Variants in ZSWIM6 observed in about 807,000 individuals in gnomAD.
The protein encoded by ZSWIM6 is zinc finger SWIM-type containing 6.
In ZSWIM6, 9 loss-of-function variants were observed where a neutral mutation model predicts 113.2. That is an observed-to-expected ratio of 0.08 (90% CI 0.05 to 0.14). The LOEUF (loss-of-function observed/expected upper bound fraction) is 0.14, where lower values mean the gene tolerates loss of function less well. ZSWIM6 is among the 10% of genes least tolerant of loss of function. The pLI, the probability that ZSWIM6 is intolerant of heterozygous loss-of-function variation, is 1.00. For missense variants in ZSWIM6, 1,162 were observed against 1,552.2 expected (o/e 0.75, Z 4.22); for synonymous variants, 611 against 606.5 (o/e 1.01, Z -0.11).
chr5:61,459,935 A>G (rs528785256), intron 1 of ZSWIM6, among the ~76,000 whole-genome samples: 1 of 152,230 alleles, frequency 6.6e-6, no homozygotes, highest in Admixed American at 6.5e-5. Context: ...CATGTGAGTC[A>G]AGAGTGTGTG....
intron 1 of ZSWIM6, among the ~76,000 whole-genome samples, chr5:61,429,468 G>GATGAAGGAA (rs1334619691): frequency 6.6e-6 from 1 of 152,218 alleles, no homozygotes; most frequent in Admixed American, 6.5e-5. Flanking sequence ...CTTTGGCCGA[G>GATGAAGGAA]ATGAAGGAAA....
At chr5:61,494,596 C>G (rs1177436191) in intron 4 of ZSWIM6, among the ~76,000 whole-genome samples, 186 bp downstream of exon 4, 1 of 152,040 alleles carries the variant, frequency 6.6e-6, no homozygotes, top group African/African-American at 2.4e-5. Flanking sequence ...AGAAAACAAC[C>G]TTAGCAGGGT....
intron 4 of ZSWIM6, among the ~76,000 whole-genome samples, chr5:61,512,449 A>G (rs1373011478): frequency 6.6e-6 from 1 of 152,136 alleles, no homozygotes. Context: ...TTTTGTGTGA[A>G]CATAAATTTG....
chr5:61,525,440 A>G (rs961445740), intron 5 of ZSWIM6, among the ~76,000 whole-genome samples: 4 of 152,178 alleles, frequency 2.6e-5, no homozygotes, highest in Non-Finnish European at 4.4e-5. Context: ...AGCCCACCAC[A>G]GCACCTCAGA....
intron 1 of ZSWIM6, among the ~76,000 whole-genome samples, chr5:61,339,238 C>G (rs1195562121): frequency 6.6e-6 from 1 of 152,278 alleles, no homozygotes; most frequent in African/African-American, 2.4e-5. Context: ...GAAACCCTAT[C>G]TCTACTAAAA....
intron 2 of ZSWIM6, among the ~76,000 whole-genome samples, chr5:61,487,845 T>A (rs1268737199): frequency 6.6e-6 from 1 of 152,088 alleles, no homozygotes; most frequent in Non-Finnish European, 1.5e-5. Flanking sequence ...TGACTTCTTC[T>A]TTTCCAATTT....
At chr5:61,437,613 T>C (rs1746737100) in intron 1 of ZSWIM6, among the ~76,000 whole-genome samples, 1 of 151,222 alleles carries the variant, frequency 6.6e-6, no homozygotes, top group Non-Finnish European at 1.5e-5. Context: ...TCCCAGCTGC[T>C]TGAGAGGCTG....
chr5:61,498,836 G>A (rs1396333236), intron 4 of ZSWIM6, among the ~76,000 whole-genome samples: 1 of 152,122 alleles, frequency 6.6e-6, no homozygotes, highest in African/African-American at 2.4e-5. Flanking sequence ...TGTACCAGAA[G>A]TAAGATTCTA....
At chr5:61,443,473 C>G (rs1481124686) in intron 1 of ZSWIM6, among the ~76,000 whole-genome samples, 1 of 152,084 alleles carries the variant, frequency 6.6e-6, no homozygotes, top group Non-Finnish European at 1.5e-5. Flanking sequence ...ACAGATAAGC[C>G]TAGTACAGTT....
intron 1 of ZSWIM6, among the ~76,000 whole-genome samples, chr5:61,461,518 C>G (rs886083626): frequency 6.6e-6 from 1 of 152,142 alleles, no homozygotes; most frequent in Non-Finnish European, 1.5e-5. Flanking sequence ...CTTCTGTGGA[C>G]TGTGGCTAAG....
intron 1 of ZSWIM6, among the ~76,000 whole-genome samples, chr5:61,367,553 C>A (rs889180066): frequency 6.6e-6 from 1 of 152,176 alleles, no homozygotes; most frequent in African/African-American, 2.4e-5. Flanking sequence ...CAGGTCCTTA[C>A]GTGCCTTTTG....
intron 2 of ZSWIM6, among the ~76,000 whole-genome samples, chr5:61,478,160 G>T (rs577087452): frequency 6.6e-6 from 1 of 152,264 alleles, no homozygotes; most frequent in East Asian, 1.9e-4. Context: ...AACAAAGGTA[G>T]GGTCTCCTGA....
chr5:61,380,940 G>GA (rs869246264), intron 1 of ZSWIM6, among the ~76,000 whole-genome samples: 120 of 134,850 alleles, frequency 8.9e-4, no homozygotes, highest in Admixed American at 1.5e-3. Context: ...TTCTAGTACA[G>GA]AAAAAAAAAA....
At chr5:61,391,916 A>G (rs767552149) in intron 1 of ZSWIM6, 1 of 561,842 alleles carries the variant, frequency 1.8e-6, no homozygotes, top group Non-Finnish European at 3.1e-6. Flanking sequence ...GGTATTTTCA[A>G]AACTTTTTGA....
intron 1 of ZSWIM6, among the ~76,000 whole-genome samples, chr5:61,356,741 A>ATATATATATATTATATATAATATATATAT (rs1744920607): frequency 9.2e-6 from 1 of 108,306 alleles, no homozygotes; most frequent in Non-Finnish European, 1.9e-5. Flanking sequence ...AATATATATT[A>ATATATATATATTATATATAATATATATAT]TATATATATA....
intron 1 of ZSWIM6, among the ~76,000 whole-genome samples, chr5:61,373,634 A>G (rs1166084118): frequency 6.6e-6 from 1 of 152,030 alleles, no homozygotes; most frequent in Non-Finnish European, 1.5e-5. Flanking sequence ...TTACCAAATG[A>G]TCTTTAAAAA....
chr5:61,535,455 C>G, intron 9 of ZSWIM6, 29 bp from the exon 10 acceptor site: 3 of 1,548,198 alleles, frequency 1.9e-6, no homozygotes, highest in Non-Finnish European at 2.6e-6. Context: ...TTTTTAGGAA[C>G]GTAAAATGTG....
rs184472905 is a variant in ZSWIM6, at chr5:61,500,600, C to T, written c.1333+6190C>T. Among the ~76,000 whole-genome samples, 6 of 152,268 alleles carry T rather than the reference C, an allele frequency of 3.9e-5. 1 individual carries two copies. In the East Asian group the frequency reaches 1.2e-3, roughly 29 times the overall value. ...GACTACCATAGTCCGCTGAGCTTACCTAGTCTAGTCGCTAATTTGTACCCA... is the reference window on the plus strand; with the variant it reads ...GACTACCATAGTCCGCTGAGCTTACTTAGTCTAGTCGCTAATTTGTACCCA... On this transcript the variant is annotated intron_variant, in intron 4 of 13. Coordinates refer to ENST00000252744, the MANE Select transcript of ZSWIM6 (RefSeq NM_020928.2).
intron 12 of ZSWIM6, among the ~76,000 whole-genome samples, chr5:61,540,716 G>A (rs901160705): frequency 1.4e-5 from 2 of 145,648 alleles, no homozygotes; most frequent in African/African-American, 5.0e-5. Flanking sequence ...TTAAAGATGT[G>A]ATGCAGAAAG....
Sources: allele counts gnomAD v4.1 joint callset (sites outside exome capture counted in the v4.1 genomes callset), GRCh38; gene constraint gnomAD v4.1.1; transcripts MANE v1.5; gene names NCBI Gene and HGNC (gene_info 2026-07-23, HGNC 2026-07-21).